Variants in EDA observed in about 807,000 individuals in gnomAD.
EDA encodes ectodysplasin-A.
In EDA, 2 loss-of-function variants were observed where a neutral mutation model predicts 23.6. The observed-to-expected ratio is 0.08, with a 90% CI of 0.03 to 0.27. The LOEUF (loss-of-function observed/expected upper bound fraction) is 0.27, where lower values mean the gene tolerates loss of function less well. EDA is among the 10% of genes least tolerant of loss of function. The probability of loss-of-function intolerance (pLI) is 1.00; values close to 1 mark genes in which losing one functional copy is unlikely to be tolerated. For missense variants in EDA, 229 were observed against 324.2 expected (o/e 0.71, Z 2.26); for synonymous variants, 131 against 132.0 (o/e 0.99, Z 0.05).
intron 1 of EDA, among the ~76,000 whole-genome samples, chrX:69,878,980 T>C (rs981006907): frequency 9.0e-6 from 1 of 111,249 alleles, no homozygotes; most frequent in African/African-American, 3.3e-5. Context: ...ATCTCATGTT[T>C]GCTGACTATA....
intron 1 of EDA, among the ~76,000 whole-genome samples, chrX:69,646,311 G>A (rs1359961006): frequency 9.0e-6 from 1 of 111,518 alleles, no homozygotes; most frequent in East Asian, 2.8e-4. Flanking sequence ...TTGTTTGAGA[G>A]TCTAAGTCTC....
chrX:69,699,037 C>T (rs774378400), intron 1 of EDA, among the ~76,000 whole-genome samples: 8 of 111,188 alleles, frequency 7.2e-5, no homozygotes, highest in East Asian at 2.8e-4. Context: ...CAATCTTGCC[C>T]GGGTGCCTGG....
intron 1 of EDA, among the ~76,000 whole-genome samples, chrX:69,891,680 C>A (rs536029572): frequency 5.4e-5 from 6 of 111,396 alleles, no homozygotes; most frequent in Admixed American, 3.8e-4. Flanking sequence ...CCAAGTACCA[C>A]GTGTTCTCAC....
At chrX:69,720,414 T>C (rs1435754573) in intron 1 of EDA, among the ~76,000 whole-genome samples, 1 of 112,298 alleles carries the variant, frequency 8.9e-6, no homozygotes, top group Admixed American at 9.4e-5. Flanking sequence ...TTTTACCAAA[T>C]TTTGGAAACT....
intron 1 of EDA, among the ~76,000 whole-genome samples, chrX:69,883,152 A>G (rs1203548428): frequency 8.9e-6 from 1 of 112,543 alleles, no homozygotes; most frequent in Non-Finnish European, 1.9e-5. Context: ...TTTCTCAAGT[A>G]TAAGTACTTT....
intron 1 of EDA, among the ~76,000 whole-genome samples, chrX:69,928,970 C>T (rs770779144): frequency 3.6e-5 from 4 of 111,552 alleles, no homozygotes; most frequent in African/African-American, 9.8e-5. Context: ...AAAATAAATG[C>T]GCCACCAACT....
intron 1 of EDA, among the ~76,000 whole-genome samples, chrX:69,761,203 A>G (rs2014298630): frequency 9.0e-6 from 1 of 110,887 alleles, no homozygotes; most frequent in South Asian, 3.8e-4. Context: ...GGATGCCTCT[A>G]GGGTTCAGGT....
chrX:69,703,877 G>T (rs376641914), intron 1 of EDA, among the ~76,000 whole-genome samples: 2 of 111,763 alleles, frequency 1.8e-5, no homozygotes, highest in African/African-American at 6.5e-5. Flanking sequence ...GTAATATATC[G>T]TTATAATTTT....
intron 1 of EDA, among the ~76,000 whole-genome samples, chrX:69,835,422 T>C (rs1041032141): frequency 2.4e-4 from 27 of 111,879 alleles, no homozygotes; most frequent in Admixed American, 9.5e-5. Context: ...TTTTTACTCT[T>C]TTTTCTCTAA....
At chrX:69,779,189 G>C (rs183622598) in intron 1 of EDA, among the ~76,000 whole-genome samples, 11 of 111,413 alleles carry the variant, frequency 9.9e-5, no homozygotes, top group Admixed American at 8.6e-4. Flanking sequence ...ATACCCAAAA[G>C]AATTGCTAAC....
rs532822497 is a variant in EDA at position 69,766,591 on chromosome X, C to T, written c.396+149887C>T. On this transcript the variant is annotated intron_variant, in intron 1 of 7. Coordinates refer to ENST00000374552, the MANE Select transcript of EDA (RefSeq NM_001399.5). Reference sequence around the variant, plus strand: ...GTTTGCTAAGGATAATGGCTTCCAGCTCTATTCACGTTCCTGCAGGAGGCA... The same window carrying T: ...GTTTGCTAAGGATAATGGCTTCCAGTTCTATTCACGTTCCTGCAGGAGGCA... Among the ~76,000 whole-genome samples, 9 of 111,975 alleles carry T rather than the reference C, an allele frequency of 8.0e-5. No individual in the cohort carries two copies. In the South Asian group the frequency reaches 3.4e-3, roughly 42 times the overall value.
intron 1 of EDA, among the ~76,000 whole-genome samples, chrX:69,771,945 A>C (rs1234708901): frequency 1.8e-5 from 2 of 111,630 alleles, no homozygotes; most frequent in Admixed American, 1.9e-4. Context: ...GGACTTTATC[A>C]AATGCTTTTT....
At chrX:69,958,561 C>T (rs1223620717) in intron 2 of EDA, among the ~76,000 whole-genome samples, 1 of 108,397 alleles carries the variant, frequency 9.2e-6, no homozygotes, top group Non-Finnish European at 1.9e-5. Context: ...ATAGGGTTTT[C>T]TAGTCAGTGG....
chrX:69,821,673 GAT>G (rs756682200), intron 1 of EDA, among the ~76,000 whole-genome samples: 6 of 111,947 alleles, frequency 5.4e-5, no homozygotes, highest in Admixed American at 9.5e-5. Flanking sequence ...TGTGCATAAA[GAT>G]AAAGAATACA....
chrX:69,898,496 C>T (rs1180113116), intron 1 of EDA, among the ~76,000 whole-genome samples: 3 of 110,636 alleles, frequency 2.7e-5, no homozygotes, highest in Admixed American at 9.6e-5. Context: ...ACACGAGAAT[C>T]GCTTGAAACC....
At chrX:69,907,422 C>T (rs1384762804) in intron 1 of EDA, among the ~76,000 whole-genome samples, 1 of 111,169 alleles carries the variant, frequency 9.0e-6, no homozygotes, top group Non-Finnish European at 1.9e-5. Context: ...GAATCCCCAC[C>T]CAAAGGGCCA....
intron 1 of EDA, among the ~76,000 whole-genome samples, chrX:69,795,611 G>A (rs899696827): frequency 1.7e-4 from 19 of 113,141 alleles, no homozygotes; most frequent in African/African-American, 5.8e-4. Context: ...AGTCAGAGCC[G>A]AGGTACAAGC....
At chrX:70,024,156 C>G (rs1227644078) in intron 3 of EDA, among the ~76,000 whole-genome samples, 1 of 112,717 alleles carries the variant, frequency 8.9e-6, no homozygotes, top group Non-Finnish European at 1.9e-5. Flanking sequence ...CATTAAAATG[C>G]TTTAAGTGAA....
chrX:69,846,603 TTATTAACTTCG>T (rs2017013710), intron 1 of EDA, among the ~76,000 whole-genome samples: 2 of 111,576 alleles, frequency 1.8e-5, no homozygotes, highest in Non-Finnish European at 3.8e-5. Flanking sequence ...CCTGTTTGTT[TTATTAACTTCG>T]TCAGTCACCA....
Sources: gnomAD v4.1 joint callset for allele counts (sites outside exome capture counted in the v4.1 genomes callset) on GRCh38, gnomAD v4.1.1 for gene constraint, MANE v1.5 for transcripts, NCBI Gene and HGNC (gene_info 2026-07-23, HGNC 2026-07-21) for gene names.